Variants in CALN1 observed in about 807,000 individuals in gnomAD.
CALN1 encodes calneuron 1.
A neutral mutation model predicts 30.6 loss-of-function variants in CALN1; 17 were observed. The observed-to-expected ratio is 0.56, with a 90% CI of 0.38 to 0.83. The LOEUF is 0.83. CALN1 is among the 40% of genes least tolerant of loss of function. The pLI is 0.00. For synonymous variants in CALN1, 156 were observed against 131.4 expected, an observed-to-expected ratio of 1.19 and a Z score of -1.28; for missense variants, 291 against 354.9, an observed-to-expected ratio of 0.82 and a Z score of 1.45.
At chr7:71,924,022 G>A (rs1217190973) in intron 5 of CALN1, among the ~76,000 whole-genome samples, 7 of 151,866 alleles carry the variant, frequency 4.6e-5, no homozygotes, top group African/African-American at 9.7e-5. Context: ...GTGAAACCCC[G>A]TCTGAACTAA....
chr7:72,012,689 A>C (rs2129529342), intron 5 of CALN1, among the ~76,000 whole-genome samples: 1 of 152,288 alleles, frequency 6.6e-6, no homozygotes, highest in East Asian at 1.9e-4. Flanking sequence ...TCTGCAGCAG[A>C]GGGTCATACA....
At chr7:71,847,852 GAAGA>G in intron 5 of CALN1, among the ~76,000 whole-genome samples, 1 of 151,328 alleles carries the variant, frequency 6.6e-6, no homozygotes, top group Non-Finnish European at 1.5e-5. Flanking sequence ...AGAAGGAGAA[GAAGA>G]AGAGGAAAGT....
At chr7:72,397,714 T>TCTCTCTCACACACACACACA (rs142607076) in intron 2 of CALN1, among the ~76,000 whole-genome samples, 2 of 142,806 alleles carry the variant, frequency 1.4e-5, no homozygotes, top group African/African-American at 5.2e-5. Flanking sequence ...CCATTCTCTC[T>TCTCTCTCACACACACACACA]CACACACACA....
chr7:72,265,760 T>A (rs1262609042), intron 3 of CALN1, among the ~76,000 whole-genome samples: 2 of 152,046 alleles, frequency 1.3e-5, no homozygotes, highest in African/African-American at 4.8e-5. Context: ...GCTTGCTATC[T>A]CATGCAGGGT....
chr7:72,210,467 G>A (rs1288679781), intron 3 of CALN1, among the ~76,000 whole-genome samples: 1 of 152,046 alleles, frequency 6.6e-6, no homozygotes, highest in Non-Finnish European at 1.5e-5. Flanking sequence ...ACAAAGAACT[G>A]CCCAAGACTG....
At chr7:72,059,141 C>T (rs1385936009) in intron 4 of CALN1, among the ~76,000 whole-genome samples, 1 of 152,144 alleles carries the variant, frequency 6.6e-6, no homozygotes, top group Non-Finnish European at 1.5e-5. Context: ...GTTTCAGAAA[C>T]CTTTATCAAG....
At chr7:72,449,687 A>T (rs1311323527), upstream of CALN1, among the ~76,000 whole-genome samples, 1 of 151,930 alleles carries the variant, frequency 6.6e-6, no homozygotes, top group Non-Finnish European at 1.5e-5. Flanking sequence ...CCTGGCTAAC[A>T]TGGTGAAACC....
At chr7:71,810,312 G>A (rs1787875070) in intron 6 of CALN1, 24 bp downstream of exon 6, 1 of 1,611,008 alleles carries the variant, frequency 6.2e-7, no homozygotes. Context: ...GGACCGGGGA[G>A]GGGATGGCAG....
At chr7:71,825,851 G>A (rs537113273) in intron 5 of CALN1, among the ~76,000 whole-genome samples, 2 of 151,802 alleles carry the variant, frequency 1.3e-5, no homozygotes, top group East Asian at 2.0e-4. Flanking sequence ...TGACCAACAC[G>A]GTGAAACCCT....
At chr7:72,002,570 A>C (rs904737868) in intron 5 of CALN1, among the ~76,000 whole-genome samples, 1 of 152,200 alleles carries the variant, frequency 6.6e-6, no homozygotes, top group Non-Finnish European at 1.5e-5. Context: ...AAATAAGAAA[A>C]ATAAAAGGTA....
the CALN1 span, among the ~76,000 whole-genome samples, chr7:72,458,740 A>T: frequency 9.5e-6 from 1 of 105,732 alleles, no homozygotes; most frequent in East Asian, 2.5e-4. Context: ...TCTATATTAT[A>T]TAATATATTT....
intron 3 of CALN1, among the ~76,000 whole-genome samples, chr7:72,207,411 CT>C (rs1791970235): frequency 6.6e-6 from 1 of 152,124 alleles, no homozygotes; most frequent in Admixed American, 6.5e-5. Context: ...ACCTGCCAGC[CT>C]GTTTTATTTT....
chr7:72,137,983 C>T (rs1208660259), intron 3 of CALN1, among the ~76,000 whole-genome samples: 1 of 152,074 alleles, frequency 6.6e-6, no homozygotes, highest in Non-Finnish European at 1.5e-5. Context: ...ACTGTTCATG[C>T]AACTTTCTGC....
intron 3 of CALN1, among the ~76,000 whole-genome samples, chr7:72,256,414 C>G (rs924533796): frequency 6.6e-6 from 1 of 152,028 alleles, no homozygotes; most frequent in Non-Finnish European, 1.5e-5. Flanking sequence ...GAACTATGAT[C>G]ATGCCACTGC....
intron 2 of CALN1, among the ~76,000 whole-genome samples, chr7:72,341,181 T>C (rs1802365850): frequency 6.6e-6 from 1 of 152,218 alleles, no homozygotes; most frequent in African/African-American, 2.4e-5. Context: ...CTGTTGCCTC[T>C]GTAAGCAATT....
chr7:72,124,701 G>T (rs1009550767), intron 3 of CALN1, among the ~76,000 whole-genome samples: 2 of 146,830 alleles, frequency 1.4e-5, no homozygotes, highest in African/African-American at 5.1e-5. Flanking sequence ...TTGTAAACAA[G>T]AATTGGAGGC....
chr7:72,310,224 C>T (rs1799948586), intron 2 of CALN1, among the ~76,000 whole-genome samples: 1 of 151,686 alleles, frequency 6.6e-6, no homozygotes, highest in Non-Finnish European at 1.5e-5. Context: ...AAACCCTAGA[C>T]AGCACAATGC....
At chr7:71,911,605 C>A (rs1794427770) in intron 5 of CALN1, among the ~76,000 whole-genome samples, 1 of 152,136 alleles carries the variant, frequency 6.6e-6, no homozygotes, top group Non-Finnish European at 1.5e-5. Flanking sequence ...ACTTCAGGAG[C>A]TGGGCAGAGA....
At chr7:72,035,546 CTT>C (rs1159516740) in intron 4 of CALN1, among the ~76,000 whole-genome samples, 3 of 152,118 alleles carry the variant, frequency 2.0e-5, no homozygotes, top group Non-Finnish European at 4.4e-5. Context: ...TTGCTGTATT[CTT>C]TTGTGTGTAG....
Sources: gnomAD v4.1 joint callset for allele counts (sites outside exome capture counted in the v4.1 genomes callset) on GRCh38, gnomAD v4.1.1 for gene constraint, MANE v1.5 for transcripts, NCBI Gene and HGNC (gene_info 2026-07-23, HGNC 2026-07-21) for gene names.